C3: variants seen among roughly 807,000 people sequenced by gnomAD.
C3 encodes the protein complement C3.
Under a neutral mutation model 207.9 loss-of-function variants are expected in C3, and 97 were observed. The observed-to-expected ratio is 0.47, with a 90% CI of 0.40 to 0.55. The LOEUF is 0.55. C3 is among the 20% of genes least tolerant of loss of function. The pLI is 0.00. For synonymous variants in C3, 848 were observed against 857.6 expected (o/e 0.99, Z 0.20); for missense variants, 1,684 against 2,171.7 (o/e 0.78, Z 4.46).
rs1261443829 is a variant in C3, at chr19:6,686,427, T to G, written c.3647-140A>C. The G allele has an allele frequency of 3.3e-6, 3 of 901,126 alleles. No homozygotes were observed. The African/African-American group carries it at 4.9e-5, about 15-fold the overall frequency. The allele number at this position is 901,126 out of a possible 1,614,324, so 55.8% of individuals were successfully genotyped here. A position where few individuals can be genotyped will look rare whatever the true frequency, so the allele number is the denominator to read the frequency against. The stretch of plus-strand genomic sequence containing the variant: ...CTGACATTCGAGGCTCTCAATTACT[T>G]GGCTCCTGCCTTACCTCTCTTGTTT... On this transcript the variant is annotated intron_variant, in intron 28 of 40. Coordinates refer to ENST00000245907, the MANE Select transcript of C3 (RefSeq NM_000064.4).
At chr19:6,710,083 G>A (rs1167044486) in intron 13 of C3, among the ~76,000 whole-genome samples, 1 of 147,304 alleles carries the variant, frequency 6.8e-6, no homozygotes, top group Non-Finnish European at 1.5e-5. Context: ...GGGAGAGAGG[G>A]AGAGAGACGG....
rs199822994 is a variant in C3 at position 6,713,198 on chromosome 19, A to G, written c.994T>C (p.Leu332=). The G allele has an allele frequency of 6.2e-7, 1 of 1,613,764 alleles. No individual in the cohort carries two copies. The highest frequency in any genetic ancestry group is 1.3e-5 in the African/African-American group (1 of 75,038). The part of the protein sequence containing the change: ...KSLYVSATVI[L]HSGSDMVQAE... ...TCAGACTGGGCCTCACCTGAGTGCAAGATGACGGTGGCAGACACGTACAAA... is the reference window on the plus strand; with the variant it reads ...TCAGACTGGGCCTCACCTGAGTGCAGGATGACGGTGGCAGACACGTACAAA... Residue 332 remains leucine, a synonymous_variant, in exon 9 of 41, where the codon TTG becomes CTG. Transcript: ENST00000245907.
chr19:6,712,836 G>A (rs1296126810), intron 9 of C3, among the ~76,000 whole-genome samples: 1 of 149,270 alleles, frequency 6.7e-6, no homozygotes, highest in East Asian at 2.0e-4. Context: ...CTGGGCCTGT[G>A]ACCCCCATCA....
intron 14 of C3, among the ~76,000 whole-genome samples, chr19:6,708,635 TTCTTTCTC>T (rs1967839468): frequency 1.4e-5 from 2 of 142,436 alleles, no homozygotes; most frequent in African/African-American, 5.3e-5. Context: ...TCCTTTCTTT[TTCTTTCTC>T]TCTGTTTCTC....
intron 4 of C3, 125 bp downstream of exon 4, chr19:6,717,969 A>G (rs1401713106): frequency 1.1e-6 from 1 of 895,216 alleles, no homozygotes; most frequent in African/African-American, 1.6e-5. Context: ...GTGTCTGCAT[A>G]TCTCTTTGCC....
intron 17 of C3, among the ~76,000 whole-genome samples, chr19:6,706,030 G>A (rs8107911): frequency 0.81 from 123,834 of 152,240 alleles, 50,668 homozygotes; most frequent in East Asian, 0.91. Context: ...CTTATTTCAC[G>A]TGAGATCTAA....
At position 6,684,708 on chromosome 19, in the gene C3, C is replaced by T. The variant is rs1917954866; in HGVS notation, c.4030-58G>A. 11 of 1,603,486 alleles carry T rather than the reference C, an allele frequency of 6.9e-6. No homozygotes were observed. In the South Asian group the frequency reaches 1.2e-4, roughly 18 times the overall value. ...CCCACAGGACTAGGACTGCTGGGGA[C>T]AAGAGGAGATGGTCCCTCTGGGGCA... is the stretch of plus-strand genomic sequence containing the variant. On this transcript the variant is annotated intron_variant, in intron 31 of 40. Transcript: ENST00000245907.
At chr19:6,686,683 C>G in intron 28 of C3, 63 bp downstream of exon 28, 1 of 1,540,060 alleles carries the variant, frequency 6.5e-7, no homozygotes, top group South Asian at 1.1e-5. Flanking sequence ...CATCCCAGCT[C>G]AGTATCTCCC....
Position 6,684,446 on chromosome 19 carries a change from A to T in C3, c.4121-7T>A. ...GCATCCTGAGGCCTCTTTTCTAGAA[A>T]CACAGAAGAGAGAAAGATGGGAGAG... On this transcript the variant is annotated splice_region_variant and splice_polypyrimidine_tract_variant and intron_variant, in intron 32 of 40. Transcript: ENST00000245907. 2 of 1,611,906 alleles carry T rather than the reference A, an allele frequency of 1.2e-6. No homozygotes were observed. Among genetic ancestry groups the T allele is most frequent in the Non-Finnish European group, 1.7e-6 (2 of 1,177,930 alleles).
chr19:6,710,932 G>A, intron 12 of C3, 55 bp downstream of exon 12: 6 of 1,602,516 alleles, frequency 3.7e-6, no homozygotes, highest in Non-Finnish European at 5.1e-6. Context: ...GAGTCCCAGG[G>A]GTGCGGAAGA....
intron 25 of C3, 48 bp from the exon 26 acceptor site, chr19:6,693,131 C>A: frequency 6.2e-7 from 1 of 1,604,710 alleles, no homozygotes. Context: ...GATCCAGAGA[C>A]TGCCATGTCA....
rs1967539515 is a variant in C3, at chr19:6,696,614, C to G, written c.2842G>C (p.Asp948His). The G allele has an allele frequency of 6.2e-7, 1 of 1,614,084 alleles. No homozygotes were observed. The highest frequency in any genetic ancestry group is 8.5e-7 in the Non-Finnish European group (1 of 1,179,998). Residue 948 changes from aspartate (D) to histidine (H), a missense_variant, in exon 22 of 41, where the codon GAT becomes CAT. Asp to His is a moderately conservative substitution (Grantham distance 81). Coordinates refer to ENST00000245907, the MANE Select transcript of C3 (RefSeq NM_000064.4). ...TCACCACGGCCCAGGCGTTCTGGAT[C>G]CAGGGTGCGAACAGCCACAGTTTTG... ...MNKTVAVRTL[D>H]PERLGREGVQ...
intron 27 of C3, among the ~76,000 whole-genome samples, chr19:6,688,487 A>G (rs1178836817): frequency 2.0e-5 from 3 of 151,350 alleles, no homozygotes; most frequent in Non-Finnish European, 2.9e-5. Context: ...ATTCCTGGAA[A>G]TTTAACACTG....
rs917865494 is a variant in C3 at position 6,718,299 on chromosome 19, G to A, written c.381C>T (p.Ser127=). 3 of 1,614,210 alleles carry A rather than the reference G, an allele frequency of 1.9e-6. No individual in the cohort carries two copies. Among genetic ancestry groups the A allele is most frequent in the Admixed American group, 1.7e-5 (1 of 60,030 alleles). The change falls in exon 3 of 41, where the codon AGC becomes AGT. Residue 127 remains serine, a synonymous_variant. Coordinates refer to ENST00000245907, the MANE Select transcript of C3 (RefSeq NM_000064.4). ...VEKVVLVSLQ[S]GYLFIQTDKT... ...TGTCTGTCTGGATGAAGAGGTACCC[G>A]CTCTGCAGGCTGACCAGCACCACCT...
At chr19:6,697,061 T>TAAAAAAAAAAAAA (rs1344751717) in intron 21 of C3, among the ~76,000 whole-genome samples, 1 of 76,542 alleles carries the variant, frequency 1.3e-5, no homozygotes, top group Admixed American at 1.6e-4. Context: ...AACAAACAAA[T>TAAAAAAAAAAAAA]AAATAAATAA....
intron 27 of C3, among the ~76,000 whole-genome samples, chr19:6,687,247 T>C (rs1291562917): frequency 6.6e-6 from 1 of 152,182 alleles, no homozygotes; most frequent in Non-Finnish European, 1.5e-5. Context: ...ACGGTGTCAA[T>C]GCGACATCAC....
intron 29 of C3, 47 bp from the exon 30 acceptor site, chr19:6,685,193 G>A (rs1414637039): frequency 6.3e-7 from 1 of 1,580,470 alleles, no homozygotes; most frequent in Non-Finnish European, 8.7e-7. Flanking sequence ...GCCTGGGAAA[G>A]TGGCTAGAAT....
chr19:6,718,060 C>T (rs752841829), intron 4 of C3, 34 bp downstream of exon 4: 1 of 1,600,946 alleles, frequency 6.2e-7, no homozygotes, highest in East Asian at 2.2e-5. Context: ...AAGCCTGTGC[C>T]CCTGCTTCCC....
chr19:6,686,078 G>A lies in C3; in HGVS notation c.3810+46C>T, dbSNP rs11569536. On this transcript the variant is annotated intron_variant, in intron 29 of 40. Coordinates refer to ENST00000245907, the MANE Select transcript of C3 (RefSeq NM_000064.4). ...TTCTCTAGGAGGCCAGTGGGAAGCC[G>A]CAGGAGACAGGGATGCATGTGCCTA... 103,187 of 1,600,060 alleles carry A rather than the reference G, an allele frequency of 0.064. 3,721 individuals are homozygous for A. The highest frequency in any genetic ancestry group is 0.073 in the Non-Finnish European group (84,932 of 1,168,228).
Sources: allele counts gnomAD v4.1 joint callset (sites outside exome capture counted in the v4.1 genomes callset), GRCh38; gene constraint gnomAD v4.1.1; transcripts MANE v1.5; gene names NCBI Gene and HGNC (gene_info 2026-07-23, HGNC 2026-07-21).